The following TLL1 variants were observed in gnomAD, a reference collection of about 807,000 sequenced individuals.
TLL1 encodes tolloid like 1, also known as tolloid-like protein 1.
TLL1 carries 49 observed loss-of-function variants against 128.2 expected under a neutral mutation model. That is an observed-to-expected ratio of 0.38 (90% CI 0.30 to 0.48). The LOEUF is 0.48. Ranked by LOEUF, TLL1 falls within the 20% of genes least tolerant of loss-of-function variation. The pLI, the probability that TLL1 is intolerant of heterozygous loss-of-function variation, is 0.96. For synonymous variants in TLL1, 454 were observed against 418.8 expected, an observed-to-expected ratio of 1.08 and a Z score of -1.03; for missense variants, 1,123 against 1,242.0, an observed-to-expected ratio of 0.90 and a Z score of 1.44.
chr4:166,102,663 A>G lies in TLL1; in HGVS notation c.*1787A>G, dbSNP rs1478634808. On this transcript the variant is annotated 3_prime_UTR_variant, in exon 21 of 21. Coordinates refer to ENST00000061240, the MANE Select transcript of TLL1 (RefSeq NM_012464.5). ...TGAATACAATTGGGTGTATTCTTTC[A>G]GTTTTACACAATTAAAGTATACACA... 6.6e-6 allele frequency: 1 copy of G among 152,006 alleles called. No homozygotes were observed. The highest frequency in any genetic ancestry group is 1.5e-5 in the Non-Finnish European group (1 of 67,906). 9.4% of individuals were successfully genotyped at this position (152,006 alleles called of 1,614,324 possible).
In TLL1 at chr4:166,010,553, T is replaced by C. The variant is rs565337685; in HGVS notation, c.917+2505T>C. ...AAACCACTTAATTTATATATGTATA[T>C]ATATAAATATAAATATTGGAAATTT... On this transcript the variant is annotated intron_variant, in intron 7 of 20. Transcript: ENST00000061240. Among the ~76,000 whole-genome samples, 7 of 150,686 alleles carry C rather than the reference T, an allele frequency of 4.6e-5. No individual in the cohort carries two copies. In the South Asian group the frequency reaches 1.5e-3, roughly 31 times the overall value.
intron 1 of TLL1, among the ~76,000 whole-genome samples, chr4:165,913,081 A>T (rs1490148595): frequency 6.6e-6 from 1 of 152,186 alleles, no homozygotes; most frequent in Non-Finnish European, 1.5e-5. Context: ...GATTTCGGCC[A>T]ATTTCCCAAT....
At chr4:166,096,126 T>C (rs776827353) in intron 19 of TLL1, among the ~76,000 whole-genome samples, 66 of 152,080 alleles carry the variant, frequency 4.3e-4, no homozygotes, top group South Asian at 1.0e-3. Context: ...TACAGTTTAA[T>C]AAAATCACAC....
intron 1 of TLL1, among the ~76,000 whole-genome samples, chr4:165,906,929 C>A (rs2110863795): frequency 7.3e-6 from 1 of 137,114 alleles, no homozygotes; most frequent in African/African-American, 2.7e-5. Context: ...TCTGATTTTT[C>A]TTTAAACCTG....
In TLL1 at chr4:166,081,972, A is replaced by G. The variant is rs145086645; in HGVS notation, c.2442+3942A>G. On this transcript the variant is annotated intron_variant, in intron 18 of 20. Transcript: ENST00000061240. ...ATTGCAGGATTTATTTTTCTTGCCA[A>G]TATTCGACTTGAGAATTAGGACATA... 6.6e-4 allele frequency among the ~76,000 whole-genome samples: 101 copies of G among 152,282 alleles called. 3 individuals are homozygous for G. In the East Asian group the frequency reaches 0.019, roughly 28 times the overall value.
intron 17 of TLL1, among the ~76,000 whole-genome samples, chr4:166,077,552 A>G (rs988681939): frequency 2.6e-5 from 4 of 152,198 alleles, no homozygotes; most frequent in African/African-American, 9.6e-5. Flanking sequence ...TGTTTGTGAC[A>G]TTGGATTAAA....
intron 12 of TLL1, among the ~76,000 whole-genome samples, chr4:166,053,500 T>C (rs1007893236): frequency 2.0e-5 from 3 of 152,078 alleles, no homozygotes; most frequent in Non-Finnish European, 4.4e-5. Flanking sequence ...TAGTGGAGAG[T>C]AGGCACTGAG....
Position 165,918,221 on chromosome 4 carries a change from C to CT in TLL1, c.169+44155dup, listed in dbSNP as rs555141083. ...TTTTTTTGGTCCATCATTTGAAATCCTTTTTTTAAAATAATGTGATACTTC... is the reference window on the plus strand; with the variant it reads ...TTTTTTTGGTCCATCATTTGAAATCCTTTTTTTTAAAATAATGTGATACTTC... On this transcript the variant is annotated intron_variant, in intron 1 of 20. Coordinates refer to ENST00000061240, the MANE Select transcript of TLL1 (RefSeq NM_012464.5). Among the ~76,000 whole-genome samples the CT allele has an allele frequency of 3.2e-3, 494 of 152,098 alleles. 1 individual carries two copies. Among genetic ancestry groups the CT allele is most frequent in the African/African-American group, 0.011 (476 of 41,502 alleles).
At chr4:166,041,663 T>C (rs912378014) in intron 10 of TLL1, among the ~76,000 whole-genome samples, 1 of 152,192 alleles carries the variant, frequency 6.6e-6, no homozygotes, top group Non-Finnish European at 1.5e-5. Context: ...GAAACCACTT[T>C]CTTAGGGTGA....
At chr4:165,899,140 A>G (rs1308155201) in intron 1 of TLL1, among the ~76,000 whole-genome samples, 1 of 89,510 alleles carries the variant, frequency 1.1e-5, no homozygotes, top group Non-Finnish European at 2.8e-5. Flanking sequence ...CTAGTGGTCT[A>G]TCTATTTTGT....
intron 18 of TLL1, among the ~76,000 whole-genome samples, chr4:166,085,202 G>A (rs755862379): frequency 8.7e-5 from 13 of 149,342 alleles, no homozygotes; most frequent in East Asian, 5.9e-4. Flanking sequence ...AGTTTTCTCC[G>A]CATGAGATTG....
At chr4:165,982,351 G>C (rs1444329596) in intron 1 of TLL1, among the ~76,000 whole-genome samples, 1 of 151,886 alleles carries the variant, frequency 6.6e-6, no homozygotes, top group Non-Finnish European at 1.5e-5. Flanking sequence ...TTGTTTTAGA[G>C]TGAGTAAAAT....
intron 8 of TLL1, among the ~76,000 whole-genome samples, chr4:166,018,101 G>A (rs903054439): frequency 6.6e-6 from 1 of 152,112 alleles, no homozygotes; most frequent in Non-Finnish European, 1.5e-5. Flanking sequence ...AGAGGAGGGG[G>A]TTATAAAGCT....
chr4:166,024,777 A>C (rs1031392613), intron 8 of TLL1, among the ~76,000 whole-genome samples: 2 of 152,112 alleles, frequency 1.3e-5, no homozygotes, highest in Non-Finnish European at 2.9e-5. Flanking sequence ...TGAATCTTCC[A>C]TGATGTTTAT....
At chr4:166,073,214 C>T (rs577397488) in intron 16 of TLL1, among the ~76,000 whole-genome samples, 112 of 152,198 alleles carry the variant, frequency 7.4e-4, no homozygotes, top group Admixed American at 2.1e-3. Context: ...AACAAATTCA[C>T]GCAATTTACT....
intron 1 of TLL1, among the ~76,000 whole-genome samples, chr4:165,953,680 C>A (rs2110944851): frequency 6.6e-6 from 1 of 151,116 alleles, no homozygotes; most frequent in Admixed American, 6.6e-5. Context: ...GAGTGAATTT[C>A]ACTCAGTCTA....
intron 1 of TLL1, among the ~76,000 whole-genome samples, chr4:165,897,526 A>T (rs1170077882): frequency 9.2e-5 from 14 of 152,270 alleles, no homozygotes; most frequent in Admixed American, 9.2e-4. Flanking sequence ...GTCAGAGATC[A>T]GATGGTTGTA....
At chr4:165,891,101 C>A (rs1278312496) in intron 1 of TLL1, among the ~76,000 whole-genome samples, 1 of 152,138 alleles carries the variant, frequency 6.6e-6, no homozygotes, top group African/African-American at 2.4e-5. Context: ...TCCCTTTTAG[C>A]CACGGTTCAG....
At chr4:166,058,431 T>C (rs1740132806) in intron 14 of TLL1, among the ~76,000 whole-genome samples, 1 of 152,220 alleles carries the variant, frequency 6.6e-6, no homozygotes, top group Non-Finnish European at 1.5e-5. Flanking sequence ...AATATGTGTT[T>C]TATCAATAAA....
Sources: gnomAD v4.1 joint callset for allele counts (sites outside exome capture counted in the v4.1 genomes callset) on GRCh38, gnomAD v4.1.1 for gene constraint, MANE v1.5 for transcripts, NCBI Gene and HGNC (gene_info 2026-07-23, HGNC 2026-07-21) for gene names.